The following CAPN7 variants were observed in gnomAD, a reference collection of about 807,000 sequenced individuals.
CAPN7 encodes the protein calpain 7.
A neutral mutation model predicts 115.2 loss-of-function variants in CAPN7; 72 were observed. The observed-to-expected ratio is 0.63, with a 90% CI of 0.52 to 0.76. CAPN7 has a LOEUF of 0.76. Ranked by LOEUF, CAPN7 falls within the 30% of genes least tolerant of loss-of-function variation. The pLI, the probability that CAPN7 is intolerant of heterozygous loss-of-function variation, is 0.00. For missense variants in CAPN7, 905 were observed against 971.5 expected (o/e 0.93, Z 0.91); for synonymous variants, 344 against 322.3 (o/e 1.07, Z -0.72).
At chr3:15,240,374 A>G (rs113427165) in intron 12 of CAPN7, 99 bp from the exon 13 acceptor site, 5 of 1,068,014 alleles carry the variant, frequency 4.7e-6, no homozygotes, top group Middle Eastern at 3.0e-4. Context: ...TTGAGGGGAA[A>G]AGAATTGATA....
chr3:15,248,670 A>G (rs1417824448), intron 19 of CAPN7, among the ~76,000 whole-genome samples: 1 of 152,184 alleles, frequency 6.6e-6, no homozygotes. Context: ...TAAGTGTTAT[A>G]TTTCATAGTT....
Position 15,221,815 on chromosome 3 carries a change from CA to C in CAPN7, c.638+840del, listed in dbSNP as rs559326399. Among the ~76,000 whole-genome samples the C allele has an allele frequency of 6.6e-5, 10 of 151,764 alleles. No individual in the cohort carries two copies. The South Asian group carries it at 1.2e-3, about 19-fold the overall frequency. On this transcript the variant is annotated intron_variant, in intron 5 of 20. Coordinates refer to ENST00000253693, the MANE Select transcript of CAPN7 (RefSeq NM_014296.3). ...CAAAACCCCATCTCTACTACAAATA[CA>C]AAAAATAGCTGGGTATGATGATGTG... is the stretch of plus-strand genomic sequence containing the variant.
intron 12 of CAPN7, among the ~76,000 whole-genome samples, chr3:15,238,405 C>T (rs546535299): frequency 5.9e-5 from 9 of 152,106 alleles, no homozygotes; most frequent in Admixed American, 4.6e-4. Context: ...TGAGCCCCCA[C>T]GCCTGGCCAA....
chr3:15,242,663 T>C (rs990033298), intron 16 of CAPN7, among the ~76,000 whole-genome samples: 1 of 152,182 alleles, frequency 6.6e-6, no homozygotes, highest in African/African-American at 2.4e-5. Context: ...ACAGTTGACA[T>C]AGTTGCTACT....
intron 9 of CAPN7, among the ~76,000 whole-genome samples, chr3:15,231,615 C>T (rs931153605): frequency 4.6e-5 from 7 of 152,020 alleles, no homozygotes; most frequent in South Asian, 2.1e-4. Flanking sequence ...CTGCAACCTC[C>T]GCCTCCTGGG....
intron 6 of CAPN7, among the ~76,000 whole-genome samples, chr3:15,224,192 A>C (rs1694167723): frequency 6.6e-6 from 1 of 152,212 alleles, no homozygotes; most frequent in African/African-American, 2.4e-5. Flanking sequence ...TGCTACTCAA[A>C]ATAAGTATTT....
intron 4 of CAPN7, among the ~76,000 whole-genome samples, chr3:15,218,897 G>A (rs147518313): frequency 2.0e-4 from 30 of 152,302 alleles, no homozygotes; most frequent in African/African-American, 6.7e-4. Flanking sequence ...CTTGCTTTCA[G>A]CCATGTACAT....
Position 15,230,507 on chromosome 3 carries a change from A to T in CAPN7, c.1004A>T (p.Lys335Ile), listed in dbSNP as rs201862012. The change falls in exon 9 of 21, where the codon AAA (lysine) becomes ATA (isoleucine). Residue 335 changes from lysine to isoleucine, a missense_variant. Physicochemically the swap from Lys to Ile is moderately radical, Grantham distance 102. This residue lies in a region of CAPN7 where 620 missense variants were observed against 703.4 expected (regional missense o/e 0.88). Coordinates refer to ENST00000253693, the MANE Select transcript of CAPN7 (RefSeq NM_014296.3). The stretch of plus-strand genomic sequence containing the variant: ...AATCCATGTGGGAAGTATATGGTAA[A>T]ACTTCACCTCAATGGTGTCCCAAGA... ...EYNPCGKYMV[K>I]LHLNGVPRKV... The T allele has an allele frequency of 4.3e-6, 7 of 1,611,790 alleles. No homozygotes were observed. The highest frequency in any genetic ancestry group is 5.1e-6 in the Non-Finnish European group (6 of 1,178,162).
chr3:15,226,546 C>T (rs1210632991), intron 6 of CAPN7, among the ~76,000 whole-genome samples: 2 of 152,076 alleles, frequency 1.3e-5, no homozygotes, highest in African/African-American at 4.8e-5. Context: ...TTTTTCTCCT[C>T]AAAATTTTTG....
intron 1 of CAPN7, among the ~76,000 whole-genome samples, chr3:15,211,142 T>C (rs9858307): frequency 0.021 from 3,252 of 152,334 alleles, 134 homozygotes; most frequent in African/African-American, 0.073. Context: ...TCATCCTTTG[T>C]CAGTATTTTC....
Position 15,211,582 on chromosome 3 carries a change from G to T in CAPN7, c.103-522G>T, listed in dbSNP as rs575353638. The stretch of plus-strand genomic sequence containing the variant: ...AGCACCTAATTCTGACTCTATCTTT[G>T]AAAAAGCCAAAAAAAAAAAAGTATG... On this transcript the variant is annotated intron_variant, in intron 1 of 20. Transcript: ENST00000253693. Among the ~76,000 whole-genome samples the T allele has an allele frequency of 4.1e-5, 6 of 145,230 alleles. No individual in the cohort carries two copies. In the South Asian group the frequency reaches 1.4e-3, roughly 34 times the overall value.
chr3:15,246,877 T>C, intron 18 of CAPN7, 83 bp downstream of exon 18: 1 of 1,105,876 alleles, frequency 9.0e-7, no homozygotes. Context: ...TTTTATTGTT[T>C]ATATTTAGCA....
chr3:15,218,088 G>A (rs188791962), intron 3 of CAPN7, among the ~76,000 whole-genome samples: 2 of 152,180 alleles, frequency 1.3e-5, no homozygotes, highest in African/African-American at 2.4e-5. Context: ...AGTTGAGACT[G>A]GTATCCCCAT....
intron 2 of CAPN7, 79 bp from the exon 3 acceptor site, chr3:15,217,346 G>A: frequency 1.6e-6 from 2 of 1,225,432 alleles, no homozygotes; most frequent in Non-Finnish European, 1.1e-6. Flanking sequence ...GGTAAAAAAT[G>A]TCTTAAATAG....
At position 15,241,592 on chromosome 3, in the gene CAPN7, C is replaced by G; in HGVS notation, c.1788+4C>G. The G allele has an allele frequency of 6.2e-7, 1 of 1,612,282 alleles. No homozygotes were observed. The highest frequency in any genetic ancestry group is 8.5e-7 in the Non-Finnish European group (1 of 1,179,190). ...TAGTAGACACATAACAGACAAGGTA[C>G]TGATACCCTTCTAATGATATCCCAT... On this transcript the variant is annotated splice_donor_region_variant and intron_variant, in intron 15 of 20. Transcript: ENST00000253693.
intron 9 of CAPN7, among the ~76,000 whole-genome samples, chr3:15,231,534 C>CTT (rs554157490): frequency 1.4e-5 from 2 of 145,468 alleles, no homozygotes. Context: ...TCTGAGAACA[C>CTT]TTTTTTTTTT....
intron 6 of CAPN7, 77 bp downstream of exon 6, chr3:15,223,638 G>T: frequency 1.2e-6 from 1 of 864,666 alleles, no homozygotes; most frequent in Non-Finnish European, 1.8e-6. Flanking sequence ...TAATAGCCTT[G>T]AAATTAAAAT....
chr3:15,208,141 T>C (rs888865143), intron 1 of CAPN7, among the ~76,000 whole-genome samples: 5 of 152,022 alleles, frequency 3.3e-5, no homozygotes, highest in African/African-American at 1.2e-4. Flanking sequence ...ATATTCAGTC[T>C]GTTGTTGACT....
At chr3:15,221,332 A>T (rs972753840) in intron 5 of CAPN7, among the ~76,000 whole-genome samples, 9 of 142,782 alleles carry the variant, frequency 6.3e-5, no homozygotes, top group African/African-American at 2.4e-4. Flanking sequence ...GGTGTGTGCC[A>T]CCACATCTGA....
Sources: allele counts gnomAD v4.1 joint callset (sites outside exome capture counted in the v4.1 genomes callset), GRCh38; gene constraint gnomAD v4.1.1; regional missense constraint gnomAD v4.1.1; transcripts MANE v1.5; gene names NCBI Gene and HGNC (gene_info 2026-07-23, HGNC 2026-07-21).